Variants in NAP1L4 observed in about 807,000 individuals in gnomAD.
NAP1L4 encodes the protein nucleosome assembly protein 1 like 4.
A neutral mutation model predicts 58.2 loss-of-function variants in NAP1L4; 15 were observed. The ratio of observed to expected loss-of-function variants is 0.26; its 90% CI spans 0.17 to 0.40. The LOEUF is 0.40. Ranked by LOEUF, NAP1L4 falls within the 10% of genes least tolerant of loss-of-function variation. NAP1L4 has a pLI of 1.00. For synonymous variants in NAP1L4, 171 were observed against 155.6 expected (o/e 1.10, Z -0.74); for missense variants, 384 against 451.1 (o/e 0.85, Z 1.35).
intron 7 of NAP1L4, among the ~76,000 whole-genome samples, chr11:2,967,092 G>A (rs987775103): frequency 3.3e-5 from 5 of 152,084 alleles, no homozygotes; most frequent in Non-Finnish European, 7.4e-5. Flanking sequence ...GAGTTAATCC[G>A]CCTTTGGAAT....
rs1410139459 is a variant in NAP1L4 at position 2,946,704 on chromosome 11, A to G, written c.*33-1058T>C. Among the ~76,000 whole-genome samples the G allele has an allele frequency of 6.6e-6, 1 of 152,188 alleles. No homozygotes were observed. The highest frequency in any genetic ancestry group is 1.5e-5 in the Non-Finnish European group (1 of 68,036). ...TATGTGTAAAATATGCAAAAAACAA[A>G]ATCAATAACCTTGAACCCTGGTGTC... On this transcript the variant is annotated intron_variant, in intron 15 of 15. Transcript: ENST00000380542. The surrounding 1 kb of genome is among the most constrained non-coding windows in gnomAD (Gnocchi z 4.8).
chr11:2,971,603 T>C lies in NAP1L4; in HGVS notation c.316-69A>G. On this transcript the variant is annotated intron_variant, in intron 5 of 15. Coordinates refer to ENST00000380542, the MANE Select transcript of NAP1L4 (RefSeq NM_005969.4). The surrounding 1 kb of genome is among the most constrained non-coding windows in gnomAD (Gnocchi z 4.2). ...CTTAGGAACTCAAGAGTTAAATTTATAAATAATGTCTACTAAAAGACTTTG... is the reference window on the plus strand; with the variant it reads ...CTTAGGAACTCAAGAGTTAAATTTACAAATAATGTCTACTAAAAGACTTTG... 1 of 1,243,112 alleles carries C rather than the reference T, an allele frequency of 8.0e-7. No individual in the cohort carries two copies. The highest frequency in any genetic ancestry group is 1.1e-6 in the Non-Finnish European group (1 of 874,190). The allele number at this position is 1,243,112 out of a possible 1,614,324, so 77.0% of individuals were successfully genotyped here.
At chr11:2,962,171 C>T (rs61871236) in intron 8 of NAP1L4, among the ~76,000 whole-genome samples, 21,897 of 152,272 alleles carry the variant, frequency 0.14, 1,634 homozygotes, top group Middle Eastern at 0.17. Flanking sequence ...TGAAAGGAAC[C>T]TAAACTAAGG....
intron 7 of NAP1L4, among the ~76,000 whole-genome samples, chr11:2,965,943 T>A (rs942690714): frequency 2.0e-5 from 3 of 152,234 alleles, no homozygotes; most frequent in African/African-American, 7.2e-5. Flanking sequence ...TCTGTGTCTG[T>A]ATCATTTTAC....
At chr11:2,985,752 CA>C (rs5789283) in intron 1 of NAP1L4, among the ~76,000 whole-genome samples, 31,409 of 152,074 alleles carry the variant, frequency 0.21, 3,481 homozygotes, top group South Asian at 0.34. Flanking sequence ...GGATACCAGG[CA>C]AAAGAATGTT....
In NAP1L4 at chr11:2,971,909, G is replaced by A. The variant is rs1847659897; in HGVS notation, c.315+193C>T. Reference sequence around the variant, plus strand: ...CACTTTATTATAAAATAGGCTTTGTGGAAGATGATTTTGCCTGACTGCAGG... The same window carrying A: ...CACTTTATTATAAAATAGGCTTTGTAGAAGATGATTTTGCCTGACTGCAGG... On this transcript the variant is annotated intron_variant, in intron 5 of 15. Transcript: ENST00000380542. The surrounding 1 kb of genome is among the most constrained non-coding windows in gnomAD (Gnocchi z 4.2). Among the ~76,000 whole-genome samples, 2 of 152,204 alleles carry A rather than the reference G, an allele frequency of 1.3e-5. No individual in the cohort carries two copies. The highest frequency in any genetic ancestry group is 4.8e-5 in the African/African-American group (2 of 41,454).
chr11:2,954,792 A>C lies in NAP1L4; in HGVS notation c.916-146T>G, dbSNP rs754243960. The C allele has an allele frequency of 8.8e-6, 9 of 1,026,142 alleles. 1 individual carries two copies. The Admixed American group carries it at 1.6e-4, about 18-fold the overall frequency. The allele number at this position is 1,026,142 out of a possible 1,614,324, so 63.6% of individuals were successfully genotyped here. On this transcript the variant is annotated intron_variant, in intron 11 of 15. Transcript: ENST00000380542. This position sits in a 1 kb window ranked among gnomAD's most constrained non-coding sequence, Gnocchi z 4.8. ...TGCACTGCTGGGGGACAGCCACTAG[A>C]CACTCAAAGCCCCTTTAAAACAACT...
chr11:2,978,247 A>G lies in NAP1L4; in HGVS notation c.73+37T>C, dbSNP rs537989203. 8 of 1,597,362 alleles carry G rather than the reference A, an allele frequency of 5.0e-6. No homozygotes were observed. The South Asian group carries it at 6.7e-5, about 13-fold the overall frequency. On this transcript the variant is annotated intron_variant, in intron 3 of 15. Coordinates refer to ENST00000380542, the MANE Select transcript of NAP1L4 (RefSeq NM_005969.4). Reference sequence around the variant, plus strand: ...GTTTCCAGAGAGAGGAACGTTCCCCATACTGGATGCAAACTCTCCATGTGC... The same window carrying G: ...GTTTCCAGAGAGAGGAACGTTCCCCGTACTGGATGCAAACTCTCCATGTGC...
intron 1 of NAP1L4, 192 bp downstream of exon 1, chr11:2,992,035 CGCCCCAGGCCCGGGCTCCAGGCCCCAA>C (rs1278807607): frequency 7.2e-5 from 11 of 152,316 alleles, no homozygotes; most frequent in African/African-American, 1.7e-4. Context: ...CTCCCGCCAG[CGCCCCAGGCCCGGGCTCCAGGCCCCAA>C]GCCCCAGGCC....
chr11:2,988,354 T>C (rs1338229998), intron 1 of NAP1L4, among the ~76,000 whole-genome samples: 1 of 152,200 alleles, frequency 6.6e-6, no homozygotes, highest in East Asian at 1.9e-4. Context: ...CTATTTCATA[T>C]TGCAACCACC....
chr11:2,972,251 A>T lies in NAP1L4; in HGVS notation c.174-8T>A. ...TTTACTGCTTTAGGTAAACTAAAAAAGGGAGTAAGAAATACAACATCCTCA... is the reference window on the plus strand; with the variant it reads ...TTTACTGCTTTAGGTAAACTAAAAATGGGAGTAAGAAATACAACATCCTCA... On this transcript the variant is annotated splice_region_variant and splice_polypyrimidine_tract_variant and intron_variant, in intron 4 of 15. Coordinates refer to ENST00000380542, the MANE Select transcript of NAP1L4 (RefSeq NM_005969.4). 2 of 1,594,946 alleles carry T rather than the reference A, an allele frequency of 1.3e-6. No individual in the cohort carries two copies. Among genetic ancestry groups the T allele is most frequent in the Non-Finnish European group, 1.7e-6 (2 of 1,174,326 alleles).
At chr11:2,960,035 G>T in intron 8 of NAP1L4, 126 bp from the exon 9 acceptor site, 1 of 941,280 alleles carries the variant, frequency 1.1e-6, no homozygotes, top group African/African-American at 1.7e-5. Context: ...CCATGAACAA[G>T]AAAAACTTCT....
chr11:2,963,161 G>GA (rs71035454), intron 8 of NAP1L4, among the ~76,000 whole-genome samples: 42,011 of 145,834 alleles, frequency 0.29, 7,138 homozygotes, highest in East Asian at 0.67. Context: ...AAAAAGAAAG[G>GA]AAAAAAAAAG....
rs1458456583 is a variant in NAP1L4, at chr11:2,955,728, T to C, written c.915+16A>G. On this transcript the variant is annotated intron_variant, in intron 11 of 15. Transcript: ENST00000380542. The surrounding 1 kb of genome is among the most constrained non-coding windows in gnomAD (Gnocchi z 4.2). ...GACTTCAACAGGAAAATAAGACTAT[T>C]AACAACAAATCTTACCAGTGATTCT... The C allele has an allele frequency of 6.2e-7, 1 of 1,610,002 alleles. No individual in the cohort carries two copies. The highest frequency in any genetic ancestry group is 8.5e-7 in the Non-Finnish European group (1 of 1,177,326).
chr11:2,954,597 A>C lies in NAP1L4; in HGVS notation c.965T>G (p.Phe322Cys). 1 of 1,614,192 alleles carries C rather than the reference A, an allele frequency of 6.2e-7. No individual in the cohort carries two copies. Among genetic ancestry groups the C allele is most frequent in the Non-Finnish European group, 8.5e-7 (1 of 1,180,036 alleles). Residue 322 changes from phenylalanine (F) to cysteine (C), a missense_variant, in exon 12 of 16, where the codon TTT (phenylalanine) becomes TGT (cysteine). By Grantham distance (205) the Phe-to-Cys change is radical. Around this residue, in one of 3 missense-constraint regions of NAP1L4, gnomAD observed 296 missense variants for 360.8 expected, o/e 0.82. Coordinates refer to ENST00000380542, the MANE Select transcript of NAP1L4 (RefSeq NM_005969.4). The surrounding 1 kb of genome is among the most constrained non-coding windows in gnomAD (Gnocchi z 4.8). ...CCGCGGGACTATCCGCTCACGGAAAAAGTGTCCAATTTCAAAATCAGAGGC... is the reference window on the plus strand; with the variant it reads ...CCGCGGGACTATCCGCTCACGGAAACAGTGTCCAATTTCAAAATCAGAGGC... ...TLASDFEIGH[F>C]FRERIVPRAV...
At chr11:2,973,849 G>C (rs1482140436) in intron 4 of NAP1L4, among the ~76,000 whole-genome samples, 1 of 151,996 alleles carries the variant, frequency 6.6e-6, no homozygotes, top group Non-Finnish European at 1.5e-5. Context: ...GCTCACTGTA[G>C]CCTCAACTTT....
chr11:2,991,574 G>C (rs1394512042), intron 1 of NAP1L4, among the ~76,000 whole-genome samples: 1 of 152,182 alleles, frequency 6.6e-6, no homozygotes, highest in East Asian at 1.9e-4. Context: ...AGTCCTCGGG[G>C]AGCGCACGCC....
intron 2 of NAP1L4, 25 bp downstream of exon 2, chr11:2,979,182 A>G (rs762430354): frequency 6.2e-7 from 1 of 1,607,500 alleles, no homozygotes; most frequent in South Asian, 1.1e-5. Context: ...TTAAACTCCA[A>G]TAAACAAAGT....
Position 2,954,686 on chromosome 11 carries a change from G to C in NAP1L4, c.916-40C>G, listed in dbSNP as rs545418898. Reference sequence around the variant, plus strand: ...CCTACGTGTTAACTCATTTTAATGGGATAAAAACATTCACTTCACCACCCT... The same window carrying C: ...CCTACGTGTTAACTCATTTTAATGGCATAAAAACATTCACTTCACCACCCT... On this transcript the variant is annotated intron_variant, in intron 11 of 15. Transcript: ENST00000380542. The surrounding 1 kb of genome is among the most constrained non-coding windows in gnomAD (Gnocchi z 4.8). 1 of 1,613,534 alleles carries C rather than the reference G, an allele frequency of 6.2e-7. No homozygotes were observed. The highest frequency in any genetic ancestry group is 1.1e-5 in the South Asian group (1 of 91,064).
Sources: gnomAD v4.1 joint callset for allele counts (sites outside exome capture counted in the v4.1 genomes callset) on GRCh38, gnomAD v4.1.1 for gene constraint, gnomAD v4.1.1 regional missense constraint, Gnocchi (gnomAD v3.1) non-coding constraint, MANE v1.5 for transcripts, NCBI Gene and HGNC (gene_info 2026-07-23, HGNC 2026-07-21) for gene names.